Variants in ANKRD28 observed in about 807,000 individuals in gnomAD.
The protein encoded by ANKRD28 is ankyrin repeat domain 28.
Under a neutral mutation model 126.5 loss-of-function variants are expected in ANKRD28, and 44 were observed. The ratio of observed to expected loss-of-function variants is 0.35; its 90% confidence interval spans 0.27 to 0.45. The LOEUF (loss-of-function observed/expected upper bound fraction) is 0.45. ANKRD28 is among the 20% of genes least tolerant of loss of function. The pLI, the probability that ANKRD28 is intolerant of heterozygous loss-of-function variation, is 1.00. For synonymous variants in ANKRD28, 442 were observed against 468.5 expected, an observed-to-expected ratio of 0.94 and a Z score of 0.73; for missense variants, 1,110 against 1,316.6, an observed-to-expected ratio of 0.84 and a Z score of 2.43.
At chr3:15,787,713 GA>G (rs1464038846) in intron 2 of ANKRD28, among the ~76,000 whole-genome samples, 1 of 152,168 alleles carries the variant, frequency 6.6e-6, no homozygotes, top group Non-Finnish European at 1.5e-5. Context: ...TTGGTGTACT[GA>G]CAGTCAGCAG....
intron 1 of ANKRD28, among the ~76,000 whole-genome samples, chr3:15,821,132 A>T (rs2060933822): frequency 1.3e-5 from 2 of 152,188 alleles, no homozygotes; most frequent in Non-Finnish European, 2.9e-5. Context: ...AATTGTGATG[A>T]CCAGAAATAT....
At chr3:15,743,580 A>ACACACG (rs1553616156) in intron 4 of ANKRD28, among the ~76,000 whole-genome samples, 236 of 150,568 alleles carry the variant, frequency 1.6e-3, no homozygotes, top group African/African-American at 5.6e-3. Context: ...ACACACACAC[A>ACACACG]CACACACACA....
chr3:15,667,880 T>C lies in ANKRD28; in HGVS notation c.*2390A>G, dbSNP rs181747037. The C allele has an allele frequency of 2.0e-5, 3 of 152,338 alleles. No homozygotes were observed. The highest frequency in any genetic ancestry group is 2.9e-5 in the Non-Finnish European group (2 of 68,022). 9.4% of individuals were successfully genotyped at this position (152,338 alleles called of 1,614,324 possible). ...AAATTAAAAACAGCTTGTCACTTTA[T>C]AGCTACACCTTGGATTTCATTAGAT... On this transcript the variant is annotated 3_prime_UTR_variant, in exon 28 of 28. Transcript: ENST00000683139.
rs2068118920 is a variant in ANKRD28 at position 15,686,290 on chromosome 3, T to C, written c.1983A>G (p.Glu661=). 2 of 1,584,654 alleles carry C rather than the reference T, an allele frequency of 1.3e-6. No homozygotes were observed. Among genetic ancestry groups the C allele is most frequent in the Admixed American group, 1.8e-5 (1 of 55,210 alleles). ...IHAAATNGHS[E]CLRLLIGNAE... is the part of the protein sequence containing the mutation. Reference sequence around the variant, plus strand: ...CATTTCCTATTAATAGCCGTAAGCATTCTGAATGACCATTTGTTGCTGTAA... The same window carrying C: ...CATTTCCTATTAATAGCCGTAAGCACTCTGAATGACCATTTGTTGCTGTAA... The change falls in exon 19 of 28, where the codon GAA becomes GAG. Residue 661 remains glutamate, a synonymous_variant. Transcript: ENST00000683139.
intron 2 of ANKRD28, among the ~76,000 whole-genome samples, chr3:15,772,756 G>C (rs1249569301): frequency 1.3e-5 from 2 of 152,164 alleles, no homozygotes; most frequent in African/African-American, 4.8e-5. Flanking sequence ...GCGCGATCTC[G>C]GCTCACTGCA....
chr3:15,704,421 T>A (rs527816755), intron 14 of ANKRD28, among the ~76,000 whole-genome samples: 1 of 152,316 alleles, frequency 6.6e-6, no homozygotes, highest in South Asian at 2.1e-4. Context: ...AATGTCAGAT[T>A]GTTAAAAATT....
chr3:15,677,039 G>A lies in ANKRD28; in HGVS notation c.2808C>T (p.Ala936=), dbSNP rs368294336. The part of the protein sequence containing the change: ...LACSKGHETS[A]LLILEKITDR... ...CTGTTATCTTTTCCAGTATTAACAA[G>A]GCACTAGTTTCATGACCCTATAATT... The change falls in exon 26 of 28, where the codon GCC becomes GCT. Residue 936 remains alanine (A), a synonymous_variant. Transcript: ENST00000683139. 1.2e-6 allele frequency: 2 copies of A among 1,613,004 alleles called. No individual in the cohort carries two copies. The highest frequency in any genetic ancestry group is 1.3e-5 in the African/African-American group (1 of 74,900).
intron 1 of ANKRD28, among the ~76,000 whole-genome samples, chr3:15,828,896 G>A (rs1157255839): frequency 6.6e-6 from 1 of 152,144 alleles, no homozygotes; most frequent in African/African-American, 2.4e-5. Flanking sequence ...GAAAACATCT[G>A]CAGAAAGTAC....
chr3:15,710,028 G>A (rs1331628740), intron 12 of ANKRD28, among the ~76,000 whole-genome samples: 1 of 115,154 alleles, frequency 8.7e-6, no homozygotes, highest in East Asian at 2.7e-4. Flanking sequence ...GAAACAACTT[G>A]CTTATAGGTT....
At chr3:15,825,461 G>A (rs942853060) in intron 1 of ANKRD28, among the ~76,000 whole-genome samples, 15 of 152,088 alleles carry the variant, frequency 9.9e-5, no homozygotes, top group Admixed American at 8.5e-4. Context: ...AATTCGGGGC[G>A]GTGGGGGAGG....
intron 21 of ANKRD28, among the ~76,000 whole-genome samples, chr3:15,680,931 T>C (rs766857050): frequency 3.9e-5 from 6 of 152,208 alleles, no homozygotes; most frequent in Non-Finnish European, 8.8e-5. Context: ...CCTCCTAAAA[T>C]GCTGGGATTA....
At chr3:15,709,605 T>C (rs746278204) in intron 13 of ANKRD28, 63 bp downstream of exon 13, 51 of 1,146,328 alleles carry the variant, frequency 4.4e-5, no homozygotes, top group Non-Finnish European at 5.8e-5. Context: ...AGAAGCCAGT[T>C]AGAAGGTCAA....
chr3:15,697,713 A>C lies in ANKRD28; in HGVS notation c.1548-1468T>G, dbSNP rs150647748. ...TCAGGGATATTGGCCTAAAATTCTC[A>C]AGGCTTTGGTATCAGGATGATGCTG... On this transcript the variant is annotated intron_variant, in intron 14 of 27. Transcript: ENST00000683139. Among the ~76,000 whole-genome samples the C allele has an allele frequency of 1.1e-4, 16 of 151,920 alleles. No homozygotes were observed. The East Asian group carries it at 2.9e-3, about 28-fold the overall frequency.
At position 15,685,311 on chromosome 3, in the gene ANKRD28, A is replaced by T; in HGVS notation, c.2304T>A (p.Leu768=). The change falls in exon 21 of 28, where the codon CTT becomes CTA. Residue 768 remains leucine, a synonymous_variant. Coordinates refer to ENST00000683139, the MANE Select transcript of ANKRD28 (RefSeq NM_001349278.2). ...ACGHIGVLGA[L]LQSAASMDAN... ...CATCCATAGATGCTGCTGACTGCAA[A>T]AGGGCTCCAAGAACACCAATGTGTC... The T allele has an allele frequency of 1.2e-6, 2 of 1,614,032 alleles. No individual in the cohort carries two copies. Among genetic ancestry groups the T allele is most frequent in the Non-Finnish European group, 1.7e-6 (2 of 1,179,884 alleles).
intron 4 of ANKRD28, among the ~76,000 whole-genome samples, chr3:15,740,010 C>T (rs549935769): frequency 2.0e-5 from 3 of 152,124 alleles, no homozygotes; most frequent in Admixed American, 1.3e-4. Context: ...ATGCAAATGT[C>T]CATCAACAGA....
At chr3:15,769,670 G>A (rs796779919) in intron 2 of ANKRD28, among the ~76,000 whole-genome samples, 3 of 152,210 alleles carry the variant, frequency 2.0e-5, no homozygotes, top group African/African-American at 4.8e-5. Context: ...TAAATATTCT[G>A]ACTAGTAGTT....
At position 15,751,792 on chromosome 3, in the gene ANKRD28, T is replaced by C; in HGVS notation, c.309A>G (p.Lys103=). 1.9e-6 allele frequency: 3 copies of C among 1,587,674 alleles called. No homozygotes were observed. The highest frequency in any genetic ancestry group is 2.6e-6 in the Non-Finnish European group (3 of 1,166,382). Residue 103 remains lysine (K), a synonymous_variant, in exon 4 of 28, where the codon AAA becomes AAG. Coordinates refer to ENST00000683139, the MANE Select transcript of ANKRD28 (RefSeq NM_001349278.2). ...SGARVNAKDS[K]WLTPLHRAVA... is the part of the protein sequence containing the mutation. ...CTGCTCTGTGTAAAGGTGTCAACCATTTGCTGTCTTTGGCATTAACTCTAG... is the reference window on the plus strand; with the variant it reads ...CTGCTCTGTGTAAAGGTGTCAACCACTTGCTGTCTTTGGCATTAACTCTAG...
At chr3:15,810,698 C>G (rs1232636255) in intron 1 of ANKRD28, among the ~76,000 whole-genome samples, 3 of 140,394 alleles carry the variant, frequency 2.1e-5, no homozygotes, top group Non-Finnish European at 4.5e-5. Flanking sequence ...AATTTGTTCT[C>G]TCCTTTTTTT....
At chr3:15,751,681 A>C in intron 4 of ANKRD28, 69 bp downstream of exon 4, 1 of 1,003,708 alleles carries the variant, frequency 1.0e-6, no homozygotes, top group South Asian at 1.5e-5. Flanking sequence ...TAGAATTTGA[A>C]TATGGATTCA....
Sources: gnomAD v4.1 joint callset for allele counts (sites outside exome capture counted in the v4.1 genomes callset) on GRCh38, gnomAD v4.1.1 for gene constraint, MANE v1.5 for transcripts, NCBI Gene and HGNC (gene_info 2026-07-23, HGNC 2026-07-21) for gene names.